Variants in TBC1D22A observed in about 807,000 individuals in gnomAD.
TBC1D22A encodes the protein putative GTPase activator.
TBC1D22A carries 38 observed loss-of-function variants against 60.2 expected under a neutral mutation model. The ratio of observed to expected loss-of-function variants is 0.63; its 90% confidence interval spans 0.49 to 0.83. TBC1D22A has a LOEUF of 0.83. TBC1D22A is among the 40% of genes least tolerant of loss of function. TBC1D22A has a pLI of 0.00. For synonymous variants in TBC1D22A, 302 were observed against 281.7 expected, an observed-to-expected ratio of 1.07 and a Z score of -0.72; for missense variants, 628 against 701.0, an observed-to-expected ratio of 0.90 and a Z score of 1.18.
intron 7 of TBC1D22A, among the ~76,000 whole-genome samples, chr22:46,902,049 G>T (rs544169412): frequency 1.3e-5 from 2 of 152,284 alleles, no homozygotes; most frequent in South Asian, 4.1e-4. Flanking sequence ...TGGTGTTCTG[G>T]GCCTGCCTTG....
At chr22:47,023,315 T>A (rs2062150202) in intron 10 of TBC1D22A, among the ~76,000 whole-genome samples, 1 of 152,096 alleles carries the variant, frequency 6.6e-6, no homozygotes, top group Non-Finnish European at 1.5e-5. Context: ...CAATAGAAAC[T>A]ATTCAAAATG....
intron 12 of TBC1D22A, among the ~76,000 whole-genome samples, chr22:47,154,590 G>A (rs1326117968): frequency 6.6e-6 from 1 of 152,200 alleles, no homozygotes; most frequent in African/African-American, 2.4e-5. Flanking sequence ...GAAGCTGGGG[G>A]ACCCCAGCAG....
chr22:47,137,566 C>T (rs916693226), intron 12 of TBC1D22A, among the ~76,000 whole-genome samples: 3 of 152,206 alleles, frequency 2.0e-5, no homozygotes, highest in Non-Finnish European at 4.4e-5. Context: ...GCCCCACATT[C>T]TGTGCCCCTT....
At chr22:46,923,555 T>C (rs1244166828) in intron 8 of TBC1D22A, among the ~76,000 whole-genome samples, 1 of 152,268 alleles carries the variant, frequency 6.6e-6, no homozygotes, top group African/African-American at 2.4e-5. Flanking sequence ...CTCATCCAGC[T>C]TGGAGCCTGA....
At chr22:47,085,266 C>G (rs2064631735) in intron 11 of TBC1D22A, among the ~76,000 whole-genome samples, 1 of 152,102 alleles carries the variant, frequency 6.6e-6, no homozygotes, top group African/African-American at 2.4e-5. Flanking sequence ...GGTGATAGAG[C>G]AAGACTCTGT....
At chr22:47,101,613 G>A (rs1203299230) in intron 11 of TBC1D22A, among the ~76,000 whole-genome samples, 1 of 152,240 alleles carries the variant, frequency 6.6e-6, no homozygotes, top group Non-Finnish European at 1.5e-5. Flanking sequence ...AGGCCAGTGG[G>A]TTCCAGGGTT....
chr22:46,881,980 G>T (rs968355446), intron 5 of TBC1D22A, among the ~76,000 whole-genome samples: 1 of 152,196 alleles, frequency 6.6e-6, no homozygotes, highest in Non-Finnish European at 1.5e-5. Flanking sequence ...TCTGCCCTCA[G>T]CCAGGCCCTC....
At position 46,803,256 on chromosome 22, in the gene TBC1D22A, C is replaced by G. The variant is rs1270475361; in HGVS notation, c.637+5636C>G. 2.0e-5 allele frequency among the ~76,000 whole-genome samples: 3 copies of G among 152,162 alleles called. 1 individual carries two copies. The South Asian group carries it at 6.2e-4, about 32-fold the overall frequency. ...AGAGCTCGAGACAAGGTTAAACAGGCGGCTGCCCTCCAGCCCCACAGTGAG... is the reference window on the plus strand; with the variant it reads ...AGAGCTCGAGACAAGGTTAAACAGGGGGCTGCCCTCCAGCCCCACAGTGAG... On this transcript the variant is annotated intron_variant, in intron 4 of 12. Transcript: ENST00000337137.
chr22:47,151,160 G>A (rs560145036), intron 12 of TBC1D22A, among the ~76,000 whole-genome samples: 1 of 152,330 alleles, frequency 6.6e-6, no homozygotes, highest in Non-Finnish European at 1.5e-5. Flanking sequence ...ATTCCTGCGA[G>A]CCTGGCTGTG....
chr22:46,954,176 G>A (rs560904579), intron 8 of TBC1D22A, among the ~76,000 whole-genome samples: 2 of 152,268 alleles, frequency 1.3e-5, no homozygotes, highest in Admixed American at 6.5e-5. Context: ...GGGCCCATAG[G>A]CACTAGAGTC....
chr22:47,128,586 C>T (rs568058496), intron 12 of TBC1D22A, among the ~76,000 whole-genome samples: 15 of 151,644 alleles, frequency 9.9e-5, no homozygotes, highest in Non-Finnish European at 1.9e-4. Context: ...TGGAGTCCTG[C>T]ACGAGGCTGC....
chr22:46,946,627 C>T (rs1481013551), intron 8 of TBC1D22A, among the ~76,000 whole-genome samples: 1 of 152,178 alleles, frequency 6.6e-6, no homozygotes, highest in Non-Finnish European at 1.5e-5. Context: ...AGTCCCACGG[C>T]TGTGCGGGCA....
intron 8 of TBC1D22A, among the ~76,000 whole-genome samples, chr22:46,917,595 A>G (rs1469612493): frequency 4.6e-5 from 7 of 152,082 alleles, no homozygotes; most frequent in African/African-American, 1.7e-4. Flanking sequence ...CTGATTTAGG[A>G]TGTGCTGAGT....
At chr22:46,884,504 G>A (rs973275159) in intron 5 of TBC1D22A, among the ~76,000 whole-genome samples, 1 of 152,208 alleles carries the variant, frequency 6.6e-6, no homozygotes, top group African/African-American at 2.4e-5. Flanking sequence ...GGTGGAGACC[G>A]AGAGAGGGTG....
In TBC1D22A at chr22:47,131,857, G is replaced by A. The variant is rs550664893; in HGVS notation, c.1425+20254G>A. 1.2e-3 allele frequency among the ~76,000 whole-genome samples: 182 copies of A among 152,290 alleles called. 1 individual carries two copies. Among genetic ancestry groups the A allele is most frequent in the Middle Eastern group, 3.4e-3 (1 of 294 alleles). On this transcript the variant is annotated intron_variant, in intron 12 of 12. Coordinates refer to ENST00000337137, the MANE Select transcript of TBC1D22A (RefSeq NM_014346.5). The stretch of plus-strand genomic sequence containing the variant: ...AGAAGTGAGTGCACAGTCCCGGGGC[G>A]CCCGCCCCGTCCAAGCCCAGCTGTG...
chr22:46,848,286 G>C (rs1228750966), intron 4 of TBC1D22A, among the ~76,000 whole-genome samples: 1 of 152,224 alleles, frequency 6.6e-6, no homozygotes, highest in Non-Finnish European at 1.5e-5. Context: ...CACCCTTGCG[G>C]GCATAAATCT....
chr22:46,774,174 C>T (rs1426906984), intron 1 of TBC1D22A: 1 of 985,462 alleles, frequency 1.0e-6, no homozygotes, highest in Non-Finnish European at 1.2e-6. Context: ...AGGCCTGGCT[C>T]CTCCAGGCTG....
intron 12 of TBC1D22A, among the ~76,000 whole-genome samples, chr22:47,154,717 T>G (rs1036262490): frequency 6.6e-6 from 1 of 152,204 alleles, no homozygotes; most frequent in Non-Finnish European, 1.5e-5. Flanking sequence ...TGGCGGCTGC[T>G]CTGGGACATG....
At chr22:47,070,676 C>T (rs376711729) in intron 11 of TBC1D22A, among the ~76,000 whole-genome samples, 97 of 57,972 alleles carry the variant, frequency 1.7e-3, no homozygotes, top group African/African-American at 2.1e-3. Flanking sequence ...TGTTGTTTGG[C>T]TGGAGCGGGG....
Sources: allele counts gnomAD v4.1 joint callset (sites outside exome capture counted in the v4.1 genomes callset), GRCh38; gene constraint gnomAD v4.1.1; transcripts MANE v1.5; gene names NCBI Gene and HGNC (gene_info 2026-07-23, HGNC 2026-07-21).